LHFPL3: variants seen among roughly 807,000 people sequenced by gnomAD.
LHFPL3 encodes LHFPL tetraspan subfamily member 3, also known as LHFPL tetraspan subfamily member 3 protein.
In LHFPL3, 5 loss-of-function variants were observed where a neutral mutation model predicts 19.3. The ratio of observed to expected loss-of-function variants is 0.26; its 90% CI spans 0.14 to 0.54. The LOEUF is 0.54. LHFPL3 is among the 20% of genes least tolerant of loss of function. LHFPL3 has a pLI of 0.94. For synonymous variants in LHFPL3, 133 were observed against 126.2 expected, an observed-to-expected ratio of 1.05 and a Z score of -0.36; for missense variants, 249 against 307.4, an observed-to-expected ratio of 0.81 and a Z score of 1.42.
rs185981896 is a variant in LHFPL3, at chr7:104,870,080, G to A, written c.683-36107G>A. ...CACAGGAAGGGGAACATCACACACC[G>A]GGGCCTGCTGTGGGGTGGGGGGACG... On this transcript the variant is annotated intron_variant, in intron 2 of 2. Transcript: ENST00000424859. Among the ~76,000 whole-genome samples, 6 of 152,044 alleles carry A rather than the reference G, an allele frequency of 3.9e-5. No individual in the cohort carries two copies. The East Asian group carries it at 5.8e-4, about 15-fold the overall frequency.
intron 2 of LHFPL3, among the ~76,000 whole-genome samples, chr7:104,796,073 G>C (rs1017850278): frequency 6.6e-6 from 1 of 152,130 alleles, no homozygotes; most frequent in Non-Finnish European, 1.5e-5. Context: ...TTCAGCTCAC[G>C]TATGGGATGT....
At chr7:104,614,206 G>A (rs1791264411) in intron 1 of LHFPL3, among the ~76,000 whole-genome samples, 1 of 152,120 alleles carries the variant, frequency 6.6e-6, no homozygotes, top group Non-Finnish European at 1.5e-5. Flanking sequence ...AGAACATGAG[G>A]GCTGTCTTGG....
intron 1 of LHFPL3, among the ~76,000 whole-genome samples, chr7:104,571,150 G>A (rs569617286): frequency 1.3e-5 from 2 of 152,200 alleles, no homozygotes; most frequent in East Asian, 3.9e-4. Flanking sequence ...ATGAACCCTT[G>A]CATCAACTTT....
chr7:104,673,149 A>G (rs1792518931), intron 1 of LHFPL3, among the ~76,000 whole-genome samples: 1 of 152,194 alleles, frequency 6.6e-6, no homozygotes. Flanking sequence ...ATAGTTTTTA[A>G]TGGCTTGGAA....
intron 1 of LHFPL3, among the ~76,000 whole-genome samples, chr7:104,671,832 G>T (rs1792488691): frequency 6.6e-6 from 1 of 152,028 alleles, no homozygotes; most frequent in South Asian, 2.1e-4. Flanking sequence ...ACCCAGCAAG[G>T]TATTACTCTA....
intron 1 of LHFPL3, among the ~76,000 whole-genome samples, chr7:104,680,214 C>G (rs556826662): frequency 1.3e-5 from 2 of 152,306 alleles, no homozygotes; most frequent in East Asian, 3.9e-4. Flanking sequence ...GTGATGTGGC[C>G]ACTCAATCAG....
At chr7:104,476,148 T>C (rs1000278871) in intron 1 of LHFPL3, among the ~76,000 whole-genome samples, 1 of 152,218 alleles carries the variant, frequency 6.6e-6, no homozygotes, top group Non-Finnish European at 1.5e-5. Context: ...AAAATGGGCA[T>C]ACTCAAGCCT....
chr7:104,816,857 G>A (rs764801897), intron 2 of LHFPL3, among the ~76,000 whole-genome samples: 1 of 152,170 alleles, frequency 6.6e-6, no homozygotes, highest in East Asian at 1.9e-4. Flanking sequence ...CATTGTATTT[G>A]TCAAGAAAAT....
chr7:104,815,921 T>C (rs1027698542), intron 2 of LHFPL3, among the ~76,000 whole-genome samples: 1 of 152,170 alleles, frequency 6.6e-6, no homozygotes, highest in Non-Finnish European at 1.5e-5. Context: ...GAATGAGGGA[T>C]TCATGCATGG....
chr7:104,642,897 G>A (rs1044884597), intron 1 of LHFPL3, among the ~76,000 whole-genome samples: 1 of 152,168 alleles, frequency 6.6e-6, no homozygotes, highest in Non-Finnish European at 1.5e-5. Flanking sequence ...AGCTGTCATT[G>A]TGTTGTTGTT....
intron 1 of LHFPL3, among the ~76,000 whole-genome samples, chr7:104,500,130 G>T (rs1463742253): frequency 6.6e-6 from 1 of 152,186 alleles, no homozygotes; most frequent in Admixed American, 6.5e-5. Context: ...AGATATTGAA[G>T]CCTCAGAGGT....
At chr7:104,897,806 T>G (rs894498774) in intron 2 of LHFPL3, among the ~76,000 whole-genome samples, 2 of 152,092 alleles carry the variant, frequency 1.3e-5, no homozygotes, top group Non-Finnish European at 2.9e-5. Context: ...ATAAAGCAAT[T>G]AGATGCACAA....
At chr7:104,626,369 A>G (rs1175451408) in intron 1 of LHFPL3, among the ~76,000 whole-genome samples, 1 of 152,212 alleles carries the variant, frequency 6.6e-6, no homozygotes, top group Non-Finnish European at 1.5e-5. Context: ...AGTTTTTCAA[A>G]TAGGAATCTA....
At chr7:104,837,972 A>G in intron 2 of LHFPL3, among the ~76,000 whole-genome samples, 1 of 152,242 alleles carries the variant, frequency 6.6e-6, no homozygotes, top group East Asian at 1.9e-4. Context: ...TGTTATATTA[A>G]CAAACAATTA....
At chr7:104,555,792 G>C (rs1794752361) in intron 1 of LHFPL3, among the ~76,000 whole-genome samples, 1 of 152,116 alleles carries the variant, frequency 6.6e-6, no homozygotes, top group African/African-American at 2.4e-5. Flanking sequence ...TCTCACCTGA[G>C]ACAAAGCAAG....
chr7:104,555,099 T>C (rs575101805), intron 1 of LHFPL3, among the ~76,000 whole-genome samples: 1 of 152,276 alleles, frequency 6.6e-6, no homozygotes, highest in African/African-American at 2.4e-5. Flanking sequence ...TCACCTGCCA[T>C]TCTCCTCTAG....
intron 1 of LHFPL3, among the ~76,000 whole-genome samples, chr7:104,537,720 G>C (rs1342858502): frequency 1.3e-5 from 2 of 152,216 alleles, no homozygotes; most frequent in Non-Finnish European, 2.9e-5. Flanking sequence ...TTGGAACTCA[G>C]TCTTACAATA....
At chr7:104,845,049 T>G (rs1396444907) in intron 2 of LHFPL3, among the ~76,000 whole-genome samples, 1 of 152,220 alleles carries the variant, frequency 6.6e-6, no homozygotes, top group Non-Finnish European at 1.5e-5. Context: ...CTCTAAGTAT[T>G]TCCCATGTGG....
intron 1 of LHFPL3, among the ~76,000 whole-genome samples, chr7:104,448,966 A>G (rs1663837536): frequency 6.6e-6 from 1 of 152,240 alleles, no homozygotes; most frequent in Non-Finnish European, 1.5e-5. Flanking sequence ...CTTCAATACT[A>G]ATAGAGTTAC....
Sources: gnomAD v4.1 joint callset for allele counts (sites outside exome capture counted in the v4.1 genomes callset) on GRCh38, gnomAD v4.1.1 for gene constraint, MANE v1.5 for transcripts, NCBI Gene and HGNC (gene_info 2026-07-23, HGNC 2026-07-21) for gene names.